The following PRP4K variants were observed in gnomAD, a reference collection of about 807,000 sequenced individuals.
PRP4K encodes pre-mRNA processing factor kinase PRP4K.
the PRP4K span, among the ~76,000 whole-genome samples, chr6:4,045,147 C>T: frequency 6.6e-6 from 1 of 152,160 alleles, no homozygotes; most frequent in Non-Finnish European, 1.5e-5. Context: ...GCGTGAGCCA[C>T]CACGCCCAGC....
chr6:4,048,390 A>T, the PRP4K span, among the ~76,000 whole-genome samples: 1 of 151,958 alleles, frequency 6.6e-6, no homozygotes, highest in Non-Finnish European at 1.5e-5. Flanking sequence ...AAAAAAAAAA[A>T]AAAAAAAGAA....
At chr6:4,049,566 C>T in the PRP4K span, 10 of 653,914 alleles carry the variant, frequency 1.5e-5, no homozygotes, top group African/African-American at 3.6e-5. Context: ...CTTCTAACCA[C>T]ACTCTGATAG....
the PRP4K span, chr6:4,051,918 A>T: frequency 7.4e-7 from 1 of 1,356,152 alleles, no homozygotes; most frequent in Non-Finnish European, 1.0e-6. Context: ...TAAATTCTGT[A>T]TATATTCAAT....
chr6:4,059,387 A>T, the PRP4K span, among the ~76,000 whole-genome samples: 1 of 152,304 alleles, frequency 6.6e-6, no homozygotes, highest in African/African-American at 2.4e-5. Context: ...TAAAAAATGT[A>T]TCATCTTCAA....
At chr6:4,055,004 C>G in the PRP4K span, among the ~76,000 whole-genome samples, 3,265 of 152,270 alleles carry the variant, frequency 0.021, 119 homozygotes, top group African/African-American at 0.075. Context: ...AATGTTTTCC[C>G]GTCTTCCTGG....
chr6:4,023,543 TTTTG>T, the PRP4K span, among the ~76,000 whole-genome samples: 3 of 152,184 alleles, frequency 2.0e-5, no homozygotes, highest in Non-Finnish European at 4.4e-5. Flanking sequence ...ATGAAATTAT[TTTTG>T]TTTTTTTCCA....
chr6:4,024,527 C>T, the PRP4K span, among the ~76,000 whole-genome samples: 1 of 123,514 alleles, frequency 8.1e-6, no homozygotes, highest in South Asian at 3.1e-4. Flanking sequence ...TGAATGCCTA[C>T]CAAATAAATT....
At chr6:4,021,378 C>G in the PRP4K span, 1 of 1,556,346 alleles carries the variant, frequency 6.4e-7, no homozygotes, top group East Asian at 2.4e-5. Context: ...CTACCCTCCA[C>G]CGTCCGGGAG....
chr6:4,064,401 G>C, the PRP4K span: 8 of 152,398 alleles, frequency 5.2e-5, no homozygotes, highest in African/African-American at 1.2e-4. Context: ...CAGAACTCTA[G>C]CTATATGGGG....
chr6:4,028,758 C>G, the PRP4K span, among the ~76,000 whole-genome samples: 1 of 152,146 alleles, frequency 6.6e-6, no homozygotes, highest in African/African-American at 2.4e-5. Context: ...GTATGGTACC[C>G]TGTAGTGGCT....
the PRP4K span, chr6:4,021,595 T>TG: frequency 1.5e-6 from 2 of 1,322,278 alleles, no homozygotes; most frequent in Non-Finnish European, 1.1e-6. Context: ...CGCGATTCGT[T>TG]GTGGGGTGGG....
the PRP4K span, chr6:4,057,127 C>A: frequency 6.2e-7 from 1 of 1,613,504 alleles, no homozygotes; most frequent in African/African-American, 1.3e-5. Flanking sequence ...TATTCCCTGG[C>A]AAAACCAATA....
chr6:4,057,136 T>C, the PRP4K span: 2 of 1,613,596 alleles, frequency 1.2e-6, no homozygotes, highest in Non-Finnish European at 1.7e-6. Context: ...GCAAAACCAA[T>C]AACCATATGC....
the PRP4K span, among the ~76,000 whole-genome samples, chr6:4,058,074 T>C: frequency 2.6e-5 from 4 of 152,164 alleles, no homozygotes; most frequent in Non-Finnish European, 4.4e-5. Flanking sequence ...AGTACAGTTA[T>C]AGCTCACTGC....
the PRP4K span, among the ~76,000 whole-genome samples, chr6:4,030,976 G>C: frequency 6.6e-6 from 1 of 152,172 alleles, no homozygotes; most frequent in African/African-American, 2.4e-5. Flanking sequence ...GTATAGCTCA[G>C]TATTGGCTCT....
the PRP4K span, among the ~76,000 whole-genome samples, chr6:4,026,427 G>A: frequency 2.0e-5 from 3 of 150,584 alleles, no homozygotes; most frequent in Admixed American, 6.6e-5. Flanking sequence ...CTCAGCCTCC[G>A]GAGTAGCTGG....
the PRP4K span, chr6:4,031,996 C>G: frequency 7.4e-6 from 12 of 1,613,672 alleles, no homozygotes; most frequent in Non-Finnish European, 9.3e-6. Flanking sequence ...GGAAATAGGT[C>G]TAGTACTAGA....
the PRP4K span, among the ~76,000 whole-genome samples, chr6:4,038,301 T>C: frequency 6.6e-6 from 1 of 152,182 alleles, no homozygotes; most frequent in Admixed American, 6.5e-5. Flanking sequence ...TATTTTATTT[T>C]ATTTTATTTT....
chr6:4,051,939 T>G, the PRP4K span: 1 of 941,584 alleles, frequency 1.1e-6, no homozygotes, highest in Non-Finnish European at 1.5e-6. Flanking sequence ...TTTACCCCAA[T>G]TTTTTTTTTT....
Sources: allele counts gnomAD v4.1 joint callset (sites outside exome capture counted in the v4.1 genomes callset), GRCh38; gene constraint gnomAD v4.1.1; transcripts MANE v1.5; gene names NCBI Gene and HGNC (gene_info 2026-07-23, HGNC 2026-07-21).